The following TM9SF2 variants were observed in gnomAD, a reference collection of about 807,000 sequenced individuals.
The protein encoded by TM9SF2 is transmembrane 9 superfamily member 2, also known as 76 kDa membrane protein.
Under a neutral mutation model 84.9 loss-of-function variants are expected in TM9SF2, and 13 were observed. The observed-to-expected ratio is 0.15, with a 90% confidence interval of 0.10 to 0.24. The LOEUF (loss-of-function observed/expected upper bound fraction) is 0.24, where lower values mean the gene tolerates loss of function less well. Among genes scored for constraint, TM9SF2 ranks in the 10% least tolerant of loss-of-function variants. TM9SF2 has a pLI of 1.00. For missense variants in TM9SF2, 562 were observed against 818.5 expected, an observed-to-expected ratio of 0.69 and a Z score of 3.82; for synonymous variants, 273 against 285.8, an observed-to-expected ratio of 0.96 and a Z score of 0.45.
Position 99,520,122 on chromosome 13 carries a change from C to A in TM9SF2, c.326C>A (p.Pro109Gln). The A allele has an allele frequency of 6.2e-7, 1 of 1,611,164 alleles. No individual in the cohort carries two copies. The highest frequency in any genetic ancestry group is 1.7e-5 in the Admixed American group (1 of 59,686). The change falls in exon 3 of 17, where the codon CCA (proline) becomes CAA (glutamine). Residue 109 changes from proline (P) to glutamine (Q), a missense_variant. Physicochemically the swap from Pro to Gln is moderately conservative, Grantham distance 76. Around this residue, in one of 4 missense-constraint regions of TM9SF2, gnomAD observed 267 missense variants for 316.7 expected, o/e 0.84. Coordinates refer to ENST00000376387, the MANE Select transcript of TM9SF2 (RefSeq NM_004800.3). ...VLFGERIEPS[P>Q]YKFTFNKKET... ...TTCGGGGAAAGAATTGAACCTTCAC[C>A]ATATAAGGTTTGTATTTAGTGTTAC...
rs2046064514 is a variant in TM9SF2 at position 99,501,480 on chromosome 13, C to T, written c.-127C>T. 7.9e-7 allele frequency: 1 copy of T among 1,265,360 alleles called. No homozygotes were observed. Among genetic ancestry groups the T allele is most frequent in the Non-Finnish European group, 1.1e-6 (1 of 926,460 alleles). 78.4% of individuals were successfully genotyped at this position (1,265,360 alleles called of 1,614,324 possible). On this transcript the variant is annotated 5_prime_UTR_variant, in exon 1 of 17. Transcript: ENST00000376387. The stretch of plus-strand genomic sequence containing the variant: ...GACCCGGGGTGTCTCCTAGCGCAAC[C>T]GGAACTAGCCTTCTGGGGGCCGGCT...
At chr13:99,527,408 G>A (rs1048634052) in intron 3 of TM9SF2, among the ~76,000 whole-genome samples, 3 of 152,106 alleles carry the variant, frequency 2.0e-5, no homozygotes, top group Admixed American at 6.5e-5. Context: ...TTCATGTGGC[G>A]GCAGAAAAGA....
intron 9 of TM9SF2, among the ~76,000 whole-genome samples, chr13:99,543,350 G>A (rs1481807636): frequency 1.3e-5 from 2 of 152,212 alleles, no homozygotes; most frequent in Non-Finnish European, 2.9e-5. Flanking sequence ...ACTCCTGAGA[G>A]TAGGAATTTT....
intron 10 of TM9SF2, 91 bp from the exon 11 acceptor site, chr13:99,546,891 TTTC>T (rs2139103775): frequency 6.4e-7 from 1 of 1,554,716 alleles, no homozygotes; most frequent in Admixed American, 1.9e-5. Context: ...GTTGTATTTT[TTTC>T]TTGTTTGAAA....
intron 8 of TM9SF2, 132 bp downstream of exon 8, chr13:99,540,925 G>GCCACTGAT: frequency 2.7e-6 from 2 of 748,058 alleles, no homozygotes; most frequent in Non-Finnish European, 4.3e-6. Flanking sequence ...CTGGCTTTCA[G>GCCACTGAT]CCACTGATTG....
chr13:99,537,140 A>ATT (rs5806118), intron 5 of TM9SF2, among the ~76,000 whole-genome samples: 133,512 of 152,012 alleles, frequency 0.88, 58,805 homozygotes, highest in Admixed American at 0.93. Context: ...TGAGGCCATT[A>ATT]TTATATTTAA....
chr13:99,523,229 G>T (rs1298016452), intron 3 of TM9SF2, among the ~76,000 whole-genome samples: 1 of 152,086 alleles, frequency 6.6e-6, no homozygotes, highest in Admixed American at 6.5e-5. Flanking sequence ...ACGGCTCACT[G>T]CAGCCTTGAA....
chr13:99,540,055 G>T, intron 7 of TM9SF2, among the ~76,000 whole-genome samples: 1 of 152,204 alleles, frequency 6.6e-6, no homozygotes, highest in African/African-American at 2.4e-5. Context: ...TTAAAATCAA[G>T]ATTTAATTAT....
chr13:99,555,768 C>A, intron 15 of TM9SF2, 121 bp downstream of exon 15: 1 of 562,830 alleles, frequency 1.8e-6, no homozygotes, highest in Non-Finnish European at 3.0e-6. Context: ...TAGACATTGA[C>A]CTGTATTCCT....
intron 1 of TM9SF2, among the ~76,000 whole-genome samples, chr13:99,516,388 G>C (rs1274413393): frequency 6.6e-6 from 1 of 152,198 alleles, no homozygotes; most frequent in East Asian, 1.9e-4. Context: ...CTAGTCCAAA[G>C]GCAGTGTACA....
At chr13:99,523,806 A>G (rs949845638) in intron 3 of TM9SF2, among the ~76,000 whole-genome samples, 5 of 152,234 alleles carry the variant, frequency 3.3e-5, no homozygotes, top group African/African-American at 7.2e-5. Flanking sequence ...ATATGTTTCA[A>G]TTACTGAGGA....
chr13:99,523,355 T>A (rs935701319), intron 3 of TM9SF2, among the ~76,000 whole-genome samples: 1 of 152,098 alleles, frequency 6.6e-6, no homozygotes, highest in Admixed American at 6.5e-5. Flanking sequence ...CTCACTATGT[T>A]GCCCAGGCTG....
At chr13:99,554,810 C>T (rs865832787) in intron 14 of TM9SF2, among the ~76,000 whole-genome samples, 1 of 152,130 alleles carries the variant, frequency 6.6e-6, no homozygotes, top group Non-Finnish European at 1.5e-5. Flanking sequence ...GAAAATTCAC[C>T]GAAGTTTCTC....
At chr13:99,533,468 C>G (rs1310750184) in intron 4 of TM9SF2, among the ~76,000 whole-genome samples, 2 of 152,064 alleles carry the variant, frequency 1.3e-5, no homozygotes, top group Non-Finnish European at 2.9e-5. Flanking sequence ...ATATTATGGA[C>G]TTTTTTCAGG....
chr13:99,553,703 T>TC (rs997296530), intron 13 of TM9SF2, among the ~76,000 whole-genome samples: 2 of 152,198 alleles, frequency 1.3e-5, no homozygotes, highest in South Asian at 2.1e-4. Flanking sequence ...TGTACTGTCT[T>TC]CCCCCCTCAT....
chr13:99,540,208 C>T (rs1475519767), intron 7 of TM9SF2, among the ~76,000 whole-genome samples: 1 of 151,980 alleles, frequency 6.6e-6, no homozygotes, highest in Non-Finnish European at 1.5e-5. Flanking sequence ...TTTTTTAAAA[C>T]TTTTGGCAAT....
Position 99,559,504 on chromosome 13 carries a change from A to G in TM9SF2, c.1894A>G (p.Ile632Val). ...AATTCTGTACTTTGGTTATACCATG[A>G]TAATGGTTTTGATCTTCTTTCTTTT... ...STILYFGYTMIMVLIFFLFTG... is the reference protein window; with the variant it reads ...STILYFGYTMVMVLIFFLFTG... Residue 632 changes from isoleucine (I) to valine (V), a missense_variant, in exon 16 of 17, where the codon ATA becomes GTA. This residue lies in a region of TM9SF2 where 63 missense variants were observed against 109.2 expected (regional missense o/e 0.58). Coordinates refer to ENST00000376387, the MANE Select transcript of TM9SF2 (RefSeq NM_004800.3). 1 of 1,604,022 alleles carries G rather than the reference A, an allele frequency of 6.2e-7. No individual in the cohort carries two copies. Among genetic ancestry groups the G allele is most frequent in the Non-Finnish European group, 8.5e-7 (1 of 1,177,512 alleles).
At chr13:99,520,284 C>G (rs2046153686) in intron 3 of TM9SF2, among the ~76,000 whole-genome samples, 155 bp downstream of exon 3, 1 of 152,132 alleles carries the variant, frequency 6.6e-6, no homozygotes, top group Non-Finnish European at 1.5e-5. Context: ...TTAGAAGGAT[C>G]CTTCTCCTTC....
chr13:99,509,682 C>T (rs1340417203), intron 1 of TM9SF2, among the ~76,000 whole-genome samples: 1 of 152,190 alleles, frequency 6.6e-6, no homozygotes, highest in Non-Finnish European at 1.5e-5. Flanking sequence ...CCCATTCAGT[C>T]CTCCTGGGCC....
Sources: gnomAD v4.1 joint callset for allele counts (sites outside exome capture counted in the v4.1 genomes callset) on GRCh38, gnomAD v4.1.1 for gene constraint, gnomAD v4.1.1 regional missense constraint, MANE v1.5 for transcripts, NCBI Gene and HGNC (gene_info 2026-07-23, HGNC 2026-07-21) for gene names.